The following NFIL3 variants were observed in gnomAD, a reference collection of about 807,000 sequenced individuals.
NFIL3 encodes the protein nuclear factor interleukin-3-regulated protein.
In NFIL3, 5 loss-of-function variants were observed where a neutral mutation model predicts 10.0. The observed-to-expected ratio is 0.50, with a 90% CI of 0.26 to 1.06. The LOEUF is 1.06. NFIL3 is among the 50% of genes least tolerant of loss of function. The pLI is 0.13. For missense variants in NFIL3, 436 were observed against 547.6 expected (o/e 0.80, Z 2.03); for synonymous variants, 202 against 206.5 (o/e 0.98, Z 0.19).
intron 1 of NFIL3, among the ~76,000 whole-genome samples, chr9:91,414,036 G>A (rs1833606201): frequency 1.3e-5 from 2 of 151,956 alleles, no homozygotes; most frequent in South Asian, 4.2e-4. Flanking sequence ...TCAAGGTTGG[G>A]GCCCAATTGG....
chr9:91,437,413 A>G, the NFIL3 span, among the ~76,000 whole-genome samples: 62 of 152,338 alleles, frequency 4.1e-4, no homozygotes, highest in African/African-American at 1.4e-3. Flanking sequence ...AGATGTAAAT[A>G]TATTGTGGGA....
chr9:91,450,181 T>C, the NFIL3 span, among the ~76,000 whole-genome samples: 1 of 152,124 alleles, frequency 6.6e-6, no homozygotes, highest in Admixed American at 6.5e-5. Flanking sequence ...TTCTTTATTG[T>C]TTTTGTATTC....
At chr9:91,474,517 A>G in the NFIL3 span, among the ~76,000 whole-genome samples, 4 of 152,110 alleles carry the variant, frequency 2.6e-5, no homozygotes, top group African/African-American at 7.2e-5. Context: ...TTTTGGGGCA[A>G]TGGTTTGGCC....
chr9:91,467,218 G>A, the NFIL3 span, among the ~76,000 whole-genome samples: 3 of 151,860 alleles, frequency 2.0e-5, no homozygotes, highest in African/African-American at 7.3e-5. Flanking sequence ...TTAAATGTGT[G>A]TGTGTAAATG....
the NFIL3 span, among the ~76,000 whole-genome samples, chr9:91,473,155 C>T: frequency 6.6e-6 from 1 of 152,204 alleles, no homozygotes; most frequent in South Asian, 2.1e-4. Flanking sequence ...AGTTAGGCTA[C>T]ACGGGGGTCA....
At position 91,409,440 on chromosome 9, in the gene NFIL3, T is replaced by C. The variant is rs978889146; in HGVS notation, c.1295A>G (p.Tyr432Cys). 3.1e-6 allele frequency: 5 copies of C among 1,614,056 alleles called. No homozygotes were observed. Among genetic ancestry groups the C allele is most frequent in the African/African-American group, 1.3e-5 (1 of 74,928 alleles). ...TAAGTTTGCTATCCCCTGCTTCAAA[T>C]ACAAGTTCTCTGGGTCAGAAACTTT... ...GYKVSDPENL[Y>C]LKQGIANLSA... The change falls in exon 2 of 2, where the codon TAT becomes TGT. Residue 432 changes from tyrosine (Y) to cysteine (C), a missense_variant. Physicochemically the swap from Tyr to Cys is radical, Grantham distance 194. Around this residue, in one of 3 missense-constraint regions of NFIL3, gnomAD observed 338 missense variants for 399.9 expected, o/e 0.85. Coordinates refer to ENST00000297689, the MANE Select transcript of NFIL3 (RefSeq NM_005384.3).
At chr9:91,444,660 T>C in the NFIL3 span, among the ~76,000 whole-genome samples, 1 of 152,006 alleles carries the variant, frequency 6.6e-6, no homozygotes, top group Non-Finnish European at 1.5e-5. Context: ...CCCAGGTGGG[T>C]GTAGTTATGT....
chr9:91,452,737 A>C, the NFIL3 span, among the ~76,000 whole-genome samples: 1 of 147,778 alleles, frequency 6.8e-6, no homozygotes, highest in Non-Finnish European at 1.5e-5. Flanking sequence ...CAGTGAGCCG[A>C]GATCACACCA....
chr9:91,456,891 A>G, the NFIL3 span, among the ~76,000 whole-genome samples: 1 of 151,970 alleles, frequency 6.6e-6, no homozygotes, highest in Non-Finnish European at 1.5e-5. Flanking sequence ...AATGCATTAA[A>G]TTCCTTTTTG....
chr9:91,424,679 G>A (rs1224181084), upstream of NFIL3, among the ~76,000 whole-genome samples: 1 of 152,234 alleles, frequency 6.6e-6, no homozygotes, highest in Non-Finnish European at 1.5e-5. Flanking sequence ...GGGAAACGAG[G>A]CTCGCTGAGG....
At chr9:91,480,914 A>T in the NFIL3 span, among the ~76,000 whole-genome samples, 1 of 152,230 alleles carries the variant, frequency 6.6e-6, no homozygotes, top group African/African-American at 2.4e-5. Flanking sequence ...AGTTACCCAC[A>T]GGAAAGGATG....
At chr9:91,417,181 T>C (rs1248136825) in intron 1 of NFIL3, among the ~76,000 whole-genome samples, 2 of 152,190 alleles carry the variant, frequency 1.3e-5, no homozygotes, top group African/African-American at 2.4e-5. Context: ...GATGAAATAC[T>C]ATTTGATATG....
chr9:91,455,802 C>G, the NFIL3 span, among the ~76,000 whole-genome samples: 1 of 152,146 alleles, frequency 6.6e-6, no homozygotes, highest in Non-Finnish European at 1.5e-5. Context: ...ACGCTATGCA[C>G]GTGGGAGTTA....
intron 1 of NFIL3, among the ~76,000 whole-genome samples, chr9:91,415,623 CT>C (rs994764308): frequency 1.6e-3 from 230 of 142,630 alleles, no homozygotes; most frequent in Middle Eastern, 7.5e-3. Flanking sequence ...ACTACTTCTT[CT>C]TTTTTTTTTT....
At position 91,409,470 on chromosome 9, in the gene NFIL3, C is replaced by T. The variant is rs1329153704; in HGVS notation, c.1265G>A (p.Gly422Asp). 17 of 1,614,030 alleles carry T rather than the reference C, an allele frequency of 1.1e-5. No individual in the cohort carries two copies. Among genetic ancestry groups the T allele is most frequent in the Admixed American group, 1.7e-5 (1 of 59,992 alleles). Residue 422 changes from glycine to aspartate, a missense_variant, in exon 2 of 2, where the codon GGC becomes GAC. By Grantham distance (94) the Gly-to-Asp change is moderately conservative (BLOSUM62 -1). This residue lies in a region of NFIL3 where 338 missense variants were observed against 399.9 expected (regional missense o/e 0.85). Transcript: ENST00000297689. ...GTTCTCTGGGTCAGAAACTTTGTAG[C>T]CACTGTCTTTCATTTCAACAACTCC... is the stretch of plus-strand genomic sequence containing the variant. ...KTGVVEMKDS[G>D]YKVSDPENLY...
chr9:91,431,626 G>A, the NFIL3 span, among the ~76,000 whole-genome samples: 2 of 152,148 alleles, frequency 1.3e-5, no homozygotes, highest in African/African-American at 4.8e-5. Context: ...GAAGCAAGTG[G>A]AATTTGACTT....
At chr9:91,450,144 A>G in the NFIL3 span, among the ~76,000 whole-genome samples, 415 of 152,204 alleles carry the variant, frequency 2.7e-3, 2 homozygotes, top group African/African-American at 9.7e-3. Context: ...GATCATTTCA[A>G]AGAACAAACT....
At chr9:91,447,428 G>A in the NFIL3 span, among the ~76,000 whole-genome samples, 3 of 152,150 alleles carry the variant, frequency 2.0e-5, no homozygotes, top group African/African-American at 7.2e-5. Flanking sequence ...CACAGGAGCT[G>A]CACCATTTTA....
Position 91,409,245 on chromosome 9 carries a change from A to G in NFIL3, c.*101T>C. On this transcript the variant is annotated 3_prime_UTR_variant, in exon 2 of 2. Coordinates refer to ENST00000297689, the MANE Select transcript of NFIL3 (RefSeq NM_005384.3). The stretch of plus-strand genomic sequence containing the variant: ...AGACAACATGTGCACATCACAGTGA[A>G]ATGACATCACAGGTCCAGTGAAAAT... 9.0e-7 allele frequency: 1 copy of G among 1,106,188 alleles called. No homozygotes were observed. Among genetic ancestry groups the G allele is most frequent in the Non-Finnish European group, 1.3e-6 (1 of 778,198 alleles). 68.5% of individuals were successfully genotyped at this position (1,106,188 alleles called of 1,614,324 possible).
Sources: allele counts gnomAD v4.1 joint callset (sites outside exome capture counted in the v4.1 genomes callset), GRCh38; gene constraint gnomAD v4.1.1; regional missense constraint gnomAD v4.1.1; transcripts MANE v1.5; gene names NCBI Gene and HGNC (gene_info 2026-07-23, HGNC 2026-07-21).